The following MAGI1 variants were observed in gnomAD, a reference collection of about 807,000 sequenced individuals.
MAGI1 encodes membrane associated guanylate kinase, WW and PDZ domain containing 1, also known as membrane-associated guanylate kinase, WW and PDZ domain-containing protein 1.
MAGI1 carries 58 observed loss-of-function variants against 139.9 expected under a neutral mutation model. The ratio of observed to expected loss-of-function variants is 0.41; its 90% CI spans 0.34 to 0.52. The LOEUF (loss-of-function observed/expected upper bound fraction) is 0.52. Among genes scored for constraint, MAGI1 ranks in the 20% least tolerant of loss-of-function variants. MAGI1 has a pLI of 0.12. For synonymous variants in MAGI1, 812 were observed against 737.9 expected, an observed-to-expected ratio of 1.10 and a Z score of -1.63; for missense variants, 1,874 against 1,901.6, an observed-to-expected ratio of 0.99 and a Z score of 0.27.
chr3:65,771,128 G>T (rs189667768), intron 1 of MAGI1, among the ~76,000 whole-genome samples: 1 of 151,774 alleles, frequency 6.6e-6, no homozygotes, highest in Non-Finnish European at 1.5e-5. Context: ...CCAACATAGC[G>T]AAACCCCGTC....
intron 1 of MAGI1, among the ~76,000 whole-genome samples, chr3:65,629,472 A>G (rs556005786): frequency 6.6e-6 from 1 of 152,084 alleles, no homozygotes; most frequent in South Asian, 2.1e-4. Context: ...TTAGCACACA[A>G]TTTCTTCAAA....
At chr3:66,012,100 T>C (rs1291831339) in intron 1 of MAGI1, among the ~76,000 whole-genome samples, 1 of 152,112 alleles carries the variant, frequency 6.6e-6, no homozygotes, top group Non-Finnish European at 1.5e-5. Context: ...AACAAAATGG[T>C]ATTTCAAAGT....
chr3:65,470,930 T>C (rs946044539), intron 4 of MAGI1, among the ~76,000 whole-genome samples: 1 of 152,250 alleles, frequency 6.6e-6, no homozygotes. Flanking sequence ...GTGGCATTAC[T>C]GTCCACTCTT....
chr3:65,982,260 G>C (rs2065621799), intron 1 of MAGI1, among the ~76,000 whole-genome samples: 1 of 152,220 alleles, frequency 6.6e-6, no homozygotes. Flanking sequence ...CTCTCAGCCT[G>C]AGACTGGCCT....
intron 1 of MAGI1, among the ~76,000 whole-genome samples, chr3:65,706,503 C>T (rs929316732): frequency 1.3e-5 from 2 of 152,136 alleles, no homozygotes; most frequent in Non-Finnish European, 2.9e-5. Context: ...GGGAAACTGT[C>T]GAAAATGAGC....
intron 22 of MAGI1, chr3:65,359,405 G>A (rs1327740134): frequency 2.4e-6 from 3 of 1,260,288 alleles, no homozygotes; most frequent in South Asian, 3.1e-5. Context: ...CCCAGACAAC[G>A]AATGCATCCT....
chr3:65,908,792 C>T (rs2061541515), intron 1 of MAGI1, among the ~76,000 whole-genome samples: 1 of 152,128 alleles, frequency 6.6e-6, no homozygotes, highest in South Asian at 2.1e-4. Flanking sequence ...TGGGGCAGCT[C>T]TCCAGCATGC....
At chr3:65,702,730 C>T (rs1272773008) in intron 1 of MAGI1, among the ~76,000 whole-genome samples, 3 of 152,112 alleles carry the variant, frequency 2.0e-5, no homozygotes, top group Non-Finnish European at 4.4e-5. Context: ...ACCACTGGTA[C>T]TTATTTTGTT....
At chr3:65,517,376 C>T (rs564415945) in intron 2 of MAGI1, among the ~76,000 whole-genome samples, 3 of 152,084 alleles carry the variant, frequency 2.0e-5, no homozygotes, top group African/African-American at 4.8e-5. Flanking sequence ...CCTTGAACTA[C>T]CTATCCTGCT....
At chr3:65,394,152 C>G (rs2107025004) in intron 13 of MAGI1, among the ~76,000 whole-genome samples, 1 of 152,278 alleles carries the variant, frequency 6.6e-6, no homozygotes, top group Admixed American at 6.5e-5. Flanking sequence ...ACCTAGATCT[C>G]TTACATTTAA....
At position 65,616,159 on chromosome 3, in the gene MAGI1, T is replaced by C. The variant is rs147072877; in HGVS notation, c.430+5813A>G. On this transcript the variant is annotated intron_variant, in intron 2 of 22. Coordinates refer to ENST00000402939, the MANE Select transcript of MAGI1 (RefSeq NM_001033057.2). Reference sequence around the variant, plus strand: ...TCACTTCTTTGTTCTAATGCTTGTCTTCTTAAAGGAAGCCCACTAGCAAAC... The same window carrying C: ...TCACTTCTTTGTTCTAATGCTTGTCCTCTTAAAGGAAGCCCACTAGCAAAC... Among the ~76,000 whole-genome samples the C allele has an allele frequency of 7.2e-5, 11 of 152,298 alleles. No homozygotes were observed. The East Asian group carries it at 2.1e-3, about 29-fold the overall frequency.
chr3:65,598,870 TTTA>T (rs1278332947), intron 2 of MAGI1, among the ~76,000 whole-genome samples: 11 of 152,186 alleles, frequency 7.2e-5, no homozygotes, highest in African/African-American at 2.7e-4. Flanking sequence ...GTGAGAAAAC[TTTA>T]TTGAGAGACC....
At chr3:65,824,032 T>A (rs1241082144) in intron 1 of MAGI1, among the ~76,000 whole-genome samples, 1 of 152,206 alleles carries the variant, frequency 6.6e-6, no homozygotes, top group Non-Finnish European at 1.5e-5. Context: ...AAAATCTATT[T>A]CCTAGAGTTC....
intron 1 of MAGI1, among the ~76,000 whole-genome samples, chr3:65,944,603 CA>C (rs1405185834): frequency 8.6e-5 from 13 of 151,462 alleles, no homozygotes; most frequent in African/African-American, 3.2e-4. Context: ...AAAGGAAGAG[CA>C]AAAGAGAGAA....
At chr3:65,920,590 A>T (rs937520689) in intron 1 of MAGI1, among the ~76,000 whole-genome samples, 2 of 152,210 alleles carry the variant, frequency 1.3e-5, no homozygotes, top group African/African-American at 4.8e-5. Context: ...ATATAGTACA[A>T]TTAAATTTAG....
chr3:65,909,362 CAA>C (rs35345969), intron 1 of MAGI1, among the ~76,000 whole-genome samples: 1 of 130,744 alleles, frequency 7.6e-6, no homozygotes. Context: ...CCCATCTCTA[CAA>C]AAAAAAAAAA....
chr3:65,448,073 A>G lies in MAGI1; in HGVS notation c.1043-16T>C, dbSNP rs1948782980. 6.2e-7 allele frequency: 1 copy of G among 1,613,814 alleles called. No homozygotes were observed. The highest frequency in any genetic ancestry group is 1.3e-5 in the African/African-American group (1 of 75,024). Reference sequence around the variant, plus strand: ...TGTACCCCTTCTTCTCCAAAGGAATAGCAGGAATGAGACAGAAAAGAGAGA... The same window carrying G: ...TGTACCCCTTCTTCTCCAAAGGAATGGCAGGAATGAGACAGAAAAGAGAGA... On this transcript the variant is annotated splice_polypyrimidine_tract_variant and intron_variant, in intron 6 of 22. Coordinates refer to ENST00000402939, the MANE Select transcript of MAGI1 (RefSeq NM_001033057.2).
At chr3:65,655,511 TA>T (rs2107342280) in intron 1 of MAGI1, among the ~76,000 whole-genome samples, 1 of 152,314 alleles carries the variant, frequency 6.6e-6, no homozygotes, top group South Asian at 2.1e-4. Flanking sequence ...ACAGATCTAT[TA>T]ATTCAAAGAG....
At chr3:65,463,745 C>G (rs999448552) in intron 5 of MAGI1, among the ~76,000 whole-genome samples, 2 of 152,104 alleles carry the variant, frequency 1.3e-5, no homozygotes, top group African/African-American at 4.8e-5. Flanking sequence ...GGCTGTGAAT[C>G]CATCTGGTTC....
Sources: gnomAD v4.1 joint callset for allele counts (sites outside exome capture counted in the v4.1 genomes callset) on GRCh38, gnomAD v4.1.1 for gene constraint, MANE v1.5 for transcripts, NCBI Gene and HGNC (gene_info 2026-07-23, HGNC 2026-07-21) for gene names.